Variants in TTC12 observed in about 807,000 individuals in gnomAD.
TTC12 encodes tetratricopeptide repeat protein 12.
Under a neutral mutation model 90.1 loss-of-function variants are expected in TTC12, and 70 were observed. The observed-to-expected ratio is 0.78, with a 90% CI of 0.64 to 0.95. The LOEUF (loss-of-function observed/expected upper bound fraction) is 0.95, where lower values mean the gene tolerates loss of function less well. TTC12 is among the 40% of genes least tolerant of loss of function. TTC12 has a pLI of 0.00. For synonymous variants in TTC12, 296 were observed against 311.5 expected (o/e 0.95, Z 0.53); for missense variants, 819 against 846.1 (o/e 0.97, Z 0.40).
At chr11:113,333,239 C>T (rs1388832560) in intron 7 of TTC12, among the ~76,000 whole-genome samples, 1 of 152,096 alleles carries the variant, frequency 6.6e-6, no homozygotes, top group Admixed American at 6.5e-5. Flanking sequence ...GCACCTGCCC[C>T]TCGATCCCAG....
rs189889539 is a variant in TTC12 at position 113,353,256 on chromosome 11, T to C, written c.1446+1049T>C. ...CTTTTTTTCATGTGCTTATTGGCCA[T>C]ATGTATGTCTTTTGAAAAGTGTCTC... On this transcript the variant is annotated intron_variant, in intron 16 of 21. Coordinates refer to ENST00000529221, the MANE Select transcript of TTC12 (RefSeq NM_017868.4). Among the ~76,000 whole-genome samples the C allele has an allele frequency of 1.2e-4, 19 of 152,276 alleles. 3 individuals are homozygous for C. Among genetic ancestry groups the C allele is most frequent in the Admixed American group, 7.8e-4 (12 of 15,300 alleles).
At chr11:113,336,887 A>G (rs1321696985) in intron 8 of TTC12, among the ~76,000 whole-genome samples, 2 of 152,216 alleles carry the variant, frequency 1.3e-5, no homozygotes, top group Admixed American at 1.3e-4. Flanking sequence ...TTGCAAAGAA[A>G]CCAGGTGGAA....
chr11:113,334,821 C>G (rs1270583038), intron 7 of TTC12, 145 bp from the exon 8 acceptor site: 2 of 605,074 alleles, frequency 3.3e-6, no homozygotes, highest in Non-Finnish European at 5.9e-6. Context: ...AGTTTGGTCA[C>G]AAATGCATAA....
intron 7 of TTC12, 102 bp from the exon 8 acceptor site, chr11:113,334,864 G>T: frequency 1.1e-6 from 1 of 906,352 alleles, no homozygotes; most frequent in Non-Finnish European, 1.7e-6. Context: ...GTTGCCCTGA[G>T]AATCAAAGTT....
chr11:113,336,756 G>C (rs1312914744), intron 8 of TTC12, among the ~76,000 whole-genome samples: 2 of 152,116 alleles, frequency 1.3e-5, no homozygotes, highest in Non-Finnish European at 2.9e-5. Flanking sequence ...CATTTTTGTA[G>C]CTTTGTATTA....
chr11:113,335,465 A>T (rs1453376440), intron 8 of TTC12, among the ~76,000 whole-genome samples: 1 of 152,158 alleles, frequency 6.6e-6, no homozygotes, highest in Non-Finnish European at 1.5e-5. Context: ...TATACTAAAA[A>T]CTATATGATT....
At chr11:113,365,123 G>C in intron 21 of TTC12, 63 bp downstream of exon 21, 1 of 1,500,270 alleles carries the variant, frequency 6.7e-7, no homozygotes, top group South Asian at 1.1e-5. Flanking sequence ...CTGAGGTGCT[G>C]AGTTTTGGCT....
At chr11:113,360,332 C>A (rs1054184535) in intron 18 of TTC12, among the ~76,000 whole-genome samples, 1 of 151,954 alleles carries the variant, frequency 6.6e-6, no homozygotes, top group Non-Finnish European at 1.5e-5. Context: ...TCGATCCGAT[C>A]TGTCCTATTT....
intron 1 of TTC12, 181 bp from the exon 2 acceptor site, chr11:113,316,062 G>A: frequency 2.6e-6 from 1 of 390,784 alleles, no homozygotes; most frequent in Non-Finnish European, 4.6e-6. Context: ...ACGTAAATGA[G>A]TGCCTCTTGG....
At chr11:113,370,913 G>T (rs778069326), downstream of TTC12, among the ~76,000 whole-genome samples, 1 of 152,096 alleles carries the variant, frequency 6.6e-6, no homozygotes, top group Non-Finnish European at 1.5e-5. Flanking sequence ...AGCAGCTCTG[G>T]ATGCTCATTT....
At chr11:113,344,193 C>T (rs1479439692) in intron 12 of TTC12, 79 bp from the exon 13 acceptor site, 1 of 1,454,924 alleles carries the variant, frequency 6.9e-7, no homozygotes, top group Non-Finnish European at 9.3e-7. Context: ...GTTGAGTTTC[C>T]CATTAGGATA....
Position 113,324,679 on chromosome 11 carries a change from G to T in TTC12, c.319G>T (p.Asp107Tyr). The change falls in exon 5 of 22, where the codon GAT (aspartate) becomes TAT (tyrosine). Residue 107 changes from aspartate to tyrosine, a missense_variant. Asp to Tyr is a radical substitution (Grantham distance 160, BLOSUM62 -3). Coordinates refer to ENST00000529221, the MANE Select transcript of TTC12 (RefSeq NM_017868.4). ...KRRRENKVLA[D>Y]ALKEKGNEAF... Reference sequence around the variant, plus strand: ...AAGAAGGGAAAACAAAGTCTTGGCGGATGGTAATTGTCAGTCCTTACTTTT... The same window carrying T: ...AAGAAGGGAAAACAAAGTCTTGGCGTATGGTAATTGTCAGTCCTTACTTTT... 6.2e-7 allele frequency: 1 copy of T among 1,613,666 alleles called. No individual in the cohort carries two copies. Among genetic ancestry groups the T allele is most frequent in the Non-Finnish European group, 8.5e-7 (1 of 1,179,760 alleles).
intron 7 of TTC12, among the ~76,000 whole-genome samples, chr11:113,331,921 TTTGTTTTATG>T (rs1211706954): frequency 1.3e-5 from 2 of 152,332 alleles, no homozygotes; most frequent in Admixed American, 1.3e-4. Context: ...CTAATAATGA[TTTGTTTTATG>T]TTGCAGCTGT....
chr11:113,332,002 G>T (rs1948095546), intron 7 of TTC12, among the ~76,000 whole-genome samples: 1 of 152,198 alleles, frequency 6.6e-6, no homozygotes, highest in Non-Finnish European at 1.5e-5. Context: ...AATGTCACTG[G>T]CACTCCATTA....
chr11:113,323,200 T>A, intron 2 of TTC12, 88 bp from the exon 3 acceptor site: 3 of 1,084,520 alleles, frequency 2.8e-6, no homozygotes, highest in Non-Finnish European at 3.7e-6. Flanking sequence ...TTAAGATCTT[T>A]CCCATGCATT....
chr11:113,358,122 C>A (rs1300622492), intron 16 of TTC12, among the ~76,000 whole-genome samples: 1 of 152,192 alleles, frequency 6.6e-6, no homozygotes, highest in Non-Finnish European at 1.5e-5. Flanking sequence ...ATCTGCTATA[C>A]TCTATGCCAT....
chr11:113,367,088 CCCAGGGTCACTCTAAA>C (rs1386291105), downstream of TTC12, among the ~76,000 whole-genome samples: 2 of 152,194 alleles, frequency 1.3e-5, no homozygotes, highest in Non-Finnish European at 2.9e-5. Context: ...TTCCAGTTGC[CCCAGGGTCACTCTAAA>C]CCAGGGTCAC....
chr11:113,335,857 C>G lies in TTC12; in HGVS notation c.576+820C>G, dbSNP rs551996168. ...ACATTTGGGTTGTTTCCACTTTTTGCCTGCTATGAATAACACTGCTATGAA... is the reference window on the plus strand; with the variant it reads ...ACATTTGGGTTGTTTCCACTTTTTGGCTGCTATGAATAACACTGCTATGAA... On this transcript the variant is annotated intron_variant, in intron 8 of 21. Coordinates refer to ENST00000529221, the MANE Select transcript of TTC12 (RefSeq NM_017868.4). Among the ~76,000 whole-genome samples, 8 of 152,170 alleles carry G rather than the reference C, an allele frequency of 5.3e-5. No individual in the cohort carries two copies. The South Asian group carries it at 1.7e-3, about 32-fold the overall frequency.
At chr11:113,315,448 T>G (rs113228147) in intron 1 of TTC12, among the ~76,000 whole-genome samples, 93 of 152,300 alleles carry the variant, frequency 6.1e-4, no homozygotes, top group African/African-American at 2.1e-3. Context: ...TACACTACTA[T>G]GAAACCTGGC....
Sources: gnomAD v4.1 joint callset for allele counts (sites outside exome capture counted in the v4.1 genomes callset) on GRCh38, gnomAD v4.1.1 for gene constraint, MANE v1.5 for transcripts, NCBI Gene and HGNC (gene_info 2026-07-23, HGNC 2026-07-21) for gene names.